The following CSNK2A1 variants were observed in gnomAD, a reference collection of about 807,000 sequenced individuals.
The protein encoded by CSNK2A1 is casein kinase 2 alpha 1.
CSNK2A1 carries 10 observed loss-of-function variants against 62.9 expected under a neutral mutation model. That is an observed-to-expected ratio of 0.16 (90% CI 0.10 to 0.27). CSNK2A1 has a LOEUF of 0.27. Among genes scored for constraint, CSNK2A1 ranks in the 10% least tolerant of loss-of-function variants. CSNK2A1 has a pLI of 1.00. For missense variants in CSNK2A1, 160 were observed against 492.0 expected (o/e 0.33, Z 6.38); for synonymous variants, 124 against 167.8 (o/e 0.74, Z 2.02).
chr20:540,286 T>A (rs1201435102), intron 1 of CSNK2A1, among the ~76,000 whole-genome samples: 1 of 152,234 alleles, frequency 6.6e-6, no homozygotes, highest in African/African-American at 2.4e-5. Flanking sequence ...TCCACTCCAT[T>A]AAAGTTCACA....
chr20:518,953 T>C (rs1476498438), intron 2 of CSNK2A1, among the ~76,000 whole-genome samples: 2 of 147,626 alleles, frequency 1.4e-5, no homozygotes, highest in Non-Finnish European at 3.0e-5. Flanking sequence ...TTTTTTTTTT[T>C]GCCACAAAGT....
chr20:510,530 A>G (rs1439934087), intron 2 of CSNK2A1, among the ~76,000 whole-genome samples: 1 of 152,196 alleles, frequency 6.6e-6, no homozygotes, highest in Non-Finnish European at 1.5e-5. Context: ...GTAAACAGCC[A>G]TGATGCATAT....
intron 1 of CSNK2A1, among the ~76,000 whole-genome samples, chr20:535,181 C>A (rs1312570029): frequency 6.6e-6 from 1 of 151,708 alleles, no homozygotes; most frequent in Non-Finnish European, 1.5e-5. Context: ...CATGGTGAGA[C>A]CTTGTCTCTA....
At chr20:503,493 T>C (rs1456091604) in intron 4 of CSNK2A1, 5 of 398,502 alleles carry the variant, frequency 1.3e-5, no homozygotes, top group Non-Finnish European at 2.2e-5. Flanking sequence ...AGGAATACTG[T>C]GGAACACTTT....
chr20:533,248 T>C (rs1276511078), intron 1 of CSNK2A1, among the ~76,000 whole-genome samples: 1 of 152,228 alleles, frequency 6.6e-6, no homozygotes, highest in Non-Finnish European at 1.5e-5. Flanking sequence ...CAACAGAATA[T>C]GTTTTTTTCT....
At chr20:540,035 C>T (rs1389973333) in intron 1 of CSNK2A1, 1 of 152,222 alleles carries the variant, frequency 6.6e-6, no homozygotes, top group Non-Finnish European at 1.5e-5. Flanking sequence ...TGGGAAAAAT[C>T]CTCTCCAGCT....
intron 1 of CSNK2A1, among the ~76,000 whole-genome samples, chr20:530,485 T>TA (rs140473351): frequency 6.6e-6 from 1 of 150,754 alleles, no homozygotes; most frequent in African/African-American, 2.4e-5. Context: ...TTTTTTTTTT[T>TA]AGAGTCAGGA....
intron 4 of CSNK2A1, chr20:501,591 T>C (rs1243432637): frequency 6.6e-6 from 1 of 152,320 alleles, no homozygotes; most frequent in East Asian, 1.9e-4. Context: ...ATCTAATGTA[T>C]TTTACTCTTA....
chr20:529,901 T>G lies in CSNK2A1; in HGVS notation c.-226-1852A>C, dbSNP rs562755335. Among the ~76,000 whole-genome samples, 11 of 152,330 alleles carry G rather than the reference T, an allele frequency of 7.2e-5. No homozygotes were observed. The East Asian group carries it at 1.7e-3, about 24-fold the overall frequency. On this transcript the variant is annotated intron_variant, in intron 1 of 13. Transcript: ENST00000217244. The stretch of plus-strand genomic sequence containing the variant: ...TGGTTTCAGGCATCCACTGGGGATC[T>G]TGGAATATATTTCCCACAGATGGCT...
intron 9 of CSNK2A1, 80 bp downstream of exon 9, chr20:492,174 A>C: frequency 7.8e-7 from 1 of 1,281,610 alleles, no homozygotes; most frequent in Non-Finnish European, 1.1e-6. Flanking sequence ...TAAATGCACA[A>C]AATGATACTT....
At chr20:513,879 C>A (rs942475333) in intron 2 of CSNK2A1, among the ~76,000 whole-genome samples, 2 of 152,224 alleles carry the variant, frequency 1.3e-5, no homozygotes, top group Non-Finnish European at 1.5e-5. Flanking sequence ...AGAGGTGCTT[C>A]ACCTTACTGT....
intron 4 of CSNK2A1, chr20:503,621 TTG>T (rs2018514375): frequency 5.0e-6 from 2 of 398,416 alleles, no homozygotes; most frequent in African/African-American, 4.1e-5. Flanking sequence ...TCGTGATGGA[TTG>T]TGTTATACTC....
At chr20:505,274 C>A in intron 3 of CSNK2A1, 45 bp from the exon 4 acceptor site, 1 of 1,437,630 alleles carries the variant, frequency 7.0e-7, no homozygotes. Flanking sequence ...AAATTATCAG[C>A]ATCAATTCAA....
At position 499,789 on chromosome 20, in the gene CSNK2A1, C is replaced by CG. The variant is rs1411245959; in HGVS notation, c.315+43_315+44insC. ...GGCCAGTTGTGCTCCAGGTCAAACACCATCTCAGCTCTGGCGGGCCTTGCT... is the reference window on the plus strand; with the variant it reads ...GGCCAGTTGTGCTCCAGGTCAAACACGCATCTCAGCTCTGGCGGGCCTTGCT... On this transcript the variant is annotated intron_variant, in intron 5 of 13. Transcript: ENST00000217244. The surrounding 1 kb of genome is among the most constrained non-coding windows in gnomAD (Gnocchi z 4.2). The CG allele has an allele frequency of 1.3e-6, 2 of 1,586,894 alleles. No homozygotes were observed. The highest frequency in any genetic ancestry group is 2.7e-5 in the African/African-American group (2 of 74,340).
intron 1 of CSNK2A1, among the ~76,000 whole-genome samples, chr20:540,637 C>CG (rs1210290622): frequency 7.2e-5 from 11 of 152,118 alleles, no homozygotes; most frequent in Non-Finnish European, 1.6e-4. Flanking sequence ...TGGGCTCAAG[C>CG]GATCCTCCTG....
intron 1 of CSNK2A1, chr20:539,212 C>T (rs1328387210): frequency 2.0e-5 from 3 of 152,212 alleles, no homozygotes; most frequent in African/African-American, 4.8e-5. Context: ...AGTCAGTGGG[C>T]TTGACTGGGT....
In CSNK2A1 at chr20:505,968, A is replaced by G. The variant is rs192972555; in HGVS notation, c.102-739T>C. The G allele has an allele frequency of 8.2e-3, 1,061 of 129,666 alleles. 11 individuals carry two copies. Among genetic ancestry groups the G allele is most frequent in the Middle Eastern group, 0.012 (2 of 162 alleles). The allele number at this position is 129,666 out of a possible 1,614,324, so 8.0% of individuals were successfully genotyped here. On this transcript the variant is annotated intron_variant, in intron 3 of 13. Transcript: ENST00000217244. ...CGGCTCGCTGCAAGCCCCGCCTCCC[A>G]GGTTCACGCCATTCTCCTGCCTCAG...
chr20:478,741 A>G lies in CSNK2A1; in HGVS notation c.*5220T>C, dbSNP rs2017898257. Reference sequence around the variant, plus strand: ...TCAGGAGTTCAAGACCAGCCTGGGCAACACGGCAAAACTTCATCTCTACCA... The same window carrying G: ...TCAGGAGTTCAAGACCAGCCTGGGCGACACGGCAAAACTTCATCTCTACCA... On this transcript the variant is annotated 3_prime_UTR_variant, in exon 14 of 14. Coordinates refer to ENST00000217244, the MANE Select transcript of CSNK2A1 (RefSeq NM_177559.3). 3.5e-6 allele frequency: 1 copy of G among 288,106 alleles called. No homozygotes were observed. Among genetic ancestry groups the G allele is most frequent in the Non-Finnish European group, 6.9e-6 (1 of 145,612 alleles). The allele number at this position is 288,106 out of a possible 1,614,324, so 17.8% of individuals were successfully genotyped here.
At chr20:526,300 C>T (rs2019088889) in intron 2 of CSNK2A1, among the ~76,000 whole-genome samples, 3 of 151,830 alleles carry the variant, frequency 2.0e-5, no homozygotes, top group Admixed American at 6.6e-5. Flanking sequence ...GTGCAACCCC[C>T]AATCTCTACA....
Sources: gnomAD v4.1 joint callset for allele counts (sites outside exome capture counted in the v4.1 genomes callset) on GRCh38, gnomAD v4.1.1 for gene constraint, Gnocchi (gnomAD v3.1) non-coding constraint, MANE v1.5 for transcripts, NCBI Gene and HGNC (gene_info 2026-07-23, HGNC 2026-07-21) for gene names.